The following SLC4A10 variants were observed in gnomAD, a reference collection of about 807,000 sequenced individuals.
The protein encoded by SLC4A10 is solute carrier family 4 member 10.
A neutral mutation model predicts 137.7 loss-of-function variants in SLC4A10; 42 were observed. That is an observed-to-expected ratio of 0.30 (90% CI 0.24 to 0.39). The LOEUF (loss-of-function observed/expected upper bound fraction) is 0.39. Among genes scored for constraint, SLC4A10 ranks in the 10% least tolerant of loss-of-function variants. The pLI, the probability that SLC4A10 is intolerant of heterozygous loss-of-function variation, is 1.00. For missense variants in SLC4A10, 925 were observed against 1,355.0 expected (o/e 0.68, Z 4.98); for synonymous variants, 474 against 464.1 (o/e 1.02, Z -0.27).
chr2:161,624,997 G>A (rs2032003645), intron 1 of SLC4A10, among the ~76,000 whole-genome samples: 1 of 151,882 alleles, frequency 6.6e-6, no homozygotes. Flanking sequence ...AGTGAGGTGA[G>A]GGAATCTGCT....
rs1242559594 is a variant in SLC4A10 at position 161,804,431 on chromosome 2, G to A, written c.131-18G>A. ...GAATAATTCAGAGTTTAATTTGTGG[G>A]TTTGCTTCCTTATGAAGGTCATCGA... On this transcript the variant is annotated intron_variant, in intron 2 of 26. Coordinates refer to ENST00000446997, the MANE Select transcript of SLC4A10 (RefSeq NM_001178015.2). 6.2e-7 allele frequency: 1 copy of A among 1,604,822 alleles called. No homozygotes were observed. Among genetic ancestry groups the A allele is most frequent in the East Asian group, 2.2e-5 (1 of 44,706 alleles).
At position 161,764,051 on chromosome 2, in the gene SLC4A10, G is replaced by A. The variant is rs149817404; in HGVS notation, c.49-6922G>A. On this transcript the variant is annotated intron_variant, in intron 1 of 26. Coordinates refer to ENST00000446997, the MANE Select transcript of SLC4A10 (RefSeq NM_001178015.2). ...CTGGCAAAAATATAAAGTGATATATGTACAAGGTTATCCATTGCCAATAAT... is the reference window on the plus strand; with the variant it reads ...CTGGCAAAAATATAAAGTGATATATATACAAGGTTATCCATTGCCAATAAT... Among the ~76,000 whole-genome samples the A allele has an allele frequency of 6.6e-3, 1,008 of 152,168 alleles. 9 individuals are homozygous for A. The highest frequency in any genetic ancestry group is 0.012 in the Non-Finnish European group (787 of 67,996).
intron 15 of SLC4A10, among the ~76,000 whole-genome samples, chr2:161,925,473 T>C (rs916415955): frequency 6.6e-6 from 1 of 152,178 alleles, no homozygotes; most frequent in African/African-American, 2.4e-5. Context: ...TAGCGGTCTA[T>C]CAATTTTGTT....
intron 2 of SLC4A10, among the ~76,000 whole-genome samples, chr2:161,785,675 A>G (rs897874439): frequency 6.6e-6 from 1 of 151,870 alleles, no homozygotes; most frequent in African/African-American, 2.4e-5. Flanking sequence ...AATTAGCTGT[A>G]GAAGGGATGT....
chr2:161,670,502 GT>G (rs1416203167), intron 1 of SLC4A10, among the ~76,000 whole-genome samples: 5 of 152,018 alleles, frequency 3.3e-5, no homozygotes, highest in African/African-American at 1.2e-4. Context: ...TGTATCTCAG[GT>G]TTTGAGTCCT....
At chr2:161,958,664 G>T (rs768014421) in intron 21 of SLC4A10, 109 bp downstream of exon 21, 3 of 665,312 alleles carry the variant, frequency 4.5e-6, no homozygotes. Flanking sequence ...ACAGCTTTTA[G>T]ACCACAATTA....
chr2:161,896,678 A>G (rs897987364), intron 11 of SLC4A10, among the ~76,000 whole-genome samples: 32 of 152,104 alleles, frequency 2.1e-4, no homozygotes, highest in African/African-American at 7.7e-4. Flanking sequence ...TCATAAATGC[A>G]TGTTTTACAA....
chr2:161,967,681 AT>A (rs1697840482), intron 23 of SLC4A10, among the ~76,000 whole-genome samples: 1 of 152,194 alleles, frequency 6.6e-6, no homozygotes, highest in Admixed American at 6.5e-5. Flanking sequence ...ACATGTTTGT[AT>A]AGCTCACATT....
intron 15 of SLC4A10, among the ~76,000 whole-genome samples, chr2:161,909,836 C>T (rs1207819938): frequency 1.3e-5 from 2 of 152,088 alleles, no homozygotes; most frequent in Non-Finnish European, 2.9e-5. Flanking sequence ...AAAACATTTA[C>T]TTTGGTGAAT....
chr2:161,971,746 C>G (rs1698581615), intron 23 of SLC4A10, among the ~76,000 whole-genome samples: 1 of 152,192 alleles, frequency 6.6e-6, no homozygotes, highest in Non-Finnish European at 1.5e-5. Context: ...GGGGCCCACC[C>G]AGCTTCCTTC....
At chr2:161,870,088 G>A (rs953915636) in intron 6 of SLC4A10, among the ~76,000 whole-genome samples, 5 of 150,824 alleles carry the variant, frequency 3.3e-5, no homozygotes, top group Non-Finnish European at 7.4e-5. Context: ...TTCTAAAATT[G>A]TTCTTGTTTT....
chr2:161,969,888 A>G (rs1308355872), intron 23 of SLC4A10, among the ~76,000 whole-genome samples: 1 of 152,228 alleles, frequency 6.6e-6, no homozygotes, highest in Non-Finnish European at 1.5e-5. Flanking sequence ...ACACAGACAA[A>G]TGTCATTTCT....
rs78619134 is a variant in SLC4A10, at chr2:161,652,523, T to C, written c.48+27957T>C. On this transcript the variant is annotated intron_variant, in intron 1 of 26. Coordinates refer to ENST00000446997, the MANE Select transcript of SLC4A10 (RefSeq NM_001178015.2). ...TCTAATATATTGACCTCTTTGAAAATATTTAGGGCTTAAAGTGATACAGGA... is the reference window on the plus strand; with the variant it reads ...TCTAATATATTGACCTCTTTGAAAACATTTAGGGCTTAAAGTGATACAGGA... 6.6e-3 allele frequency among the ~76,000 whole-genome samples: 1,006 copies of C among 152,252 alleles called. 2 individuals carry two copies. Among genetic ancestry groups the C allele is most frequent in the Middle Eastern group, 0.024 (7 of 294 alleles).
intron 11 of SLC4A10, 30 bp downstream of exon 11, chr2:161,894,855 T>C: frequency 7.6e-7 from 1 of 1,309,588 alleles, no homozygotes; most frequent in Non-Finnish European, 9.9e-7. Flanking sequence ...TTCTTTGAAA[T>C]TGAATTTTTT....
rs1313317504 is a variant in SLC4A10, at chr2:161,976,929, A to G, written c.3344+53A>G. On this transcript the variant is annotated intron_variant, in intron 25 of 26. Coordinates refer to ENST00000446997, the MANE Select transcript of SLC4A10 (RefSeq NM_001178015.2). ...ATACTAATTCCAATTGTTTTTTGAC[A>G]TAAACCATAAGCAAAAGAATAATAT... 11 of 929,864 alleles carry G rather than the reference A, an allele frequency of 1.2e-5. No homozygotes were observed. The East Asian group carries it at 2.5e-4, about 21-fold the overall frequency. 57.6% of individuals were successfully genotyped at this position (929,864 alleles called of 1,614,324 possible). A position where few individuals can be genotyped will look rare whatever the true frequency, so the allele number is the denominator to read the frequency against.
At chr2:161,767,130 TA>T (rs2050927423) in intron 1 of SLC4A10, among the ~76,000 whole-genome samples, 1 of 115,858 alleles carries the variant, frequency 8.6e-6, no homozygotes, top group Non-Finnish European at 1.8e-5. Context: ...TATATATATA[TA>T]TATATATATG....
At chr2:161,849,635 C>T (rs2059707753) in intron 4 of SLC4A10, among the ~76,000 whole-genome samples, 1 of 152,078 alleles carries the variant, frequency 6.6e-6, no homozygotes, top group Non-Finnish European at 1.5e-5. Flanking sequence ...TATCAAAAGC[C>T]TTTTCTGCAT....
At chr2:161,881,346 G>C (rs1199525713) in intron 9 of SLC4A10, among the ~76,000 whole-genome samples, 1 of 152,014 alleles carries the variant, frequency 6.6e-6, no homozygotes, top group African/African-American at 2.4e-5. Flanking sequence ...AACCATTCCT[G>C]TTTTTAATGT....
intron 1 of SLC4A10, among the ~76,000 whole-genome samples, chr2:161,637,081 G>T (rs907962095): frequency 1.6e-5 from 2 of 122,738 alleles, no homozygotes; most frequent in African/African-American, 5.7e-5. Context: ...ACATAAATAC[G>T]TATATACATA....
Sources: gnomAD v4.1 joint callset for allele counts (sites outside exome capture counted in the v4.1 genomes callset) on GRCh38, gnomAD v4.1.1 for gene constraint, MANE v1.5 for transcripts, NCBI Gene and HGNC (gene_info 2026-07-23, HGNC 2026-07-21) for gene names.